GPC3: variants seen among roughly 807,000 people sequenced by gnomAD.
The protein encoded by GPC3 is glypican-3.
Under a neutral mutation model 34.4 loss-of-function variants are expected in GPC3, and 3 were observed. The observed-to-expected ratio is 0.09, with a 90% CI of 0.04 to 0.23. The LOEUF is 0.23. Among genes scored for constraint, GPC3 ranks in the 10% least tolerant of loss-of-function variants. The probability of loss-of-function intolerance (pLI) is 1.00; values close to 1 mark genes in which losing one functional copy is unlikely to be tolerated. For missense variants in GPC3, 351 were observed against 445.6 expected (o/e 0.79, Z 1.91); for synonymous variants, 177 against 174.0 (o/e 1.02, Z -0.13).
intron 6 of GPC3, among the ~76,000 whole-genome samples, chrX:133,656,542 A>G (rs1225819242): frequency 8.9e-6 from 1 of 112,245 alleles, no homozygotes; most frequent in Non-Finnish European, 1.9e-5. Flanking sequence ...TCTAATGGAT[A>G]GGAAAGAGCT....
intron 1 of GPC3, among the ~76,000 whole-genome samples, chrX:133,959,781 C>A (rs949904395): frequency 1.8e-5 from 2 of 111,943 alleles, no homozygotes; most frequent in Non-Finnish European, 3.8e-5. Flanking sequence ...GACTTTCACA[C>A]AAAATAATAG....
chrX:133,833,950 T>A (rs999877457), intron 2 of GPC3, among the ~76,000 whole-genome samples: 1 of 111,403 alleles, frequency 9.0e-6, no homozygotes, highest in Non-Finnish European at 1.9e-5. Context: ...TCTCAATAAA[T>A]GATAGGTGGA....
chrX:133,625,647 C>G (rs897907664), intron 6 of GPC3, among the ~76,000 whole-genome samples: 1 of 111,757 alleles, frequency 8.9e-6, no homozygotes, highest in Non-Finnish European at 1.9e-5. Context: ...CTACAAATCA[C>G]TGCTCAATGA....
chrX:133,688,523 G>A (rs926612930), intron 5 of GPC3, among the ~76,000 whole-genome samples: 6 of 111,770 alleles, frequency 5.4e-5, no homozygotes, highest in African/African-American at 1.6e-4. Flanking sequence ...TTGAGTGATC[G>A]ATACATCCAT....
At chrX:133,581,428 T>A (rs1230686235) in intron 7 of GPC3, among the ~76,000 whole-genome samples, 1 of 111,754 alleles carries the variant, frequency 8.9e-6, no homozygotes, top group Non-Finnish European at 1.9e-5. Flanking sequence ...GGAAAATAAA[T>A]CCTCTAAATA....
intron 2 of GPC3, among the ~76,000 whole-genome samples, chrX:133,861,159 G>GTATAAAAC (rs2075934705): frequency 9.0e-6 from 1 of 111,393 alleles, no homozygotes; most frequent in East Asian, 2.8e-4. Flanking sequence ...ATCAGCATAC[G>GTATAAAAC]TATAAAACTG....
chrX:133,798,317 G>A (rs1603249711), intron 2 of GPC3, among the ~76,000 whole-genome samples: 1 of 110,851 alleles, frequency 9.0e-6, no homozygotes, highest in South Asian at 3.9e-4. Context: ...ATGATGAATG[G>A]GACCCCTCAG....
intron 6 of GPC3, among the ~76,000 whole-genome samples, chrX:133,610,552 T>A (rs940720633): frequency 4.6e-5 from 5 of 108,616 alleles, no homozygotes; most frequent in Admixed American, 1.0e-4. Flanking sequence ...GCTGTTACCC[T>A]CCCCCATAAC....
chrX:133,958,717 A>C (rs747026735), intron 1 of GPC3, among the ~76,000 whole-genome samples: 6 of 105,774 alleles, frequency 5.7e-5, no homozygotes, highest in South Asian at 4.2e-4. Context: ...CTGAAAAAAA[A>C]AAAAAACAAA....
intron 7 of GPC3, among the ~76,000 whole-genome samples, chrX:133,589,678 G>A (rs1386601115): frequency 1.8e-5 from 2 of 111,546 alleles, no homozygotes; most frequent in African/African-American, 3.3e-5. Context: ...CTTCTGCCAT[G>A]GTTGTGAGTC....
intron 7 of GPC3, among the ~76,000 whole-genome samples, chrX:133,573,417 G>A (rs1452488377): frequency 9.0e-6 from 1 of 111,513 alleles, no homozygotes; most frequent in East Asian, 2.8e-4. Context: ...AGTGTAAGCA[G>A]GCCAGCAAAA....
intron 2 of GPC3, among the ~76,000 whole-genome samples, chrX:133,798,513 G>A (rs1051431153): frequency 8.9e-6 from 1 of 111,837 alleles, no homozygotes; most frequent in Non-Finnish European, 1.9e-5. Context: ...GTTTTAGGGA[G>A]GTTACCCCAT....
chrX:133,786,287 C>A (rs1462277508), intron 2 of GPC3, among the ~76,000 whole-genome samples: 1 of 111,338 alleles, frequency 9.0e-6, no homozygotes, highest in Non-Finnish European at 1.9e-5. Context: ...CCCAGCTACT[C>A]GGGAGGCCGA....
At chrX:133,679,370 A>G (rs1483028562) in intron 5 of GPC3, among the ~76,000 whole-genome samples, 1 of 111,621 alleles carries the variant, frequency 9.0e-6, no homozygotes, top group Admixed American at 9.6e-5. Context: ...AACATCTCAT[A>G]TGCGTTTTCT....
At chrX:133,750,828 C>G (rs1306164444) in intron 3 of GPC3, among the ~76,000 whole-genome samples, 1 of 110,476 alleles carries the variant, frequency 9.1e-6, no homozygotes, top group Non-Finnish European at 1.9e-5. Context: ...AGTCTCAGCA[C>G]TTTGGGCGGC....
intron 2 of GPC3, among the ~76,000 whole-genome samples, chrX:133,867,893 T>C (rs987977298): frequency 9.3e-6 from 1 of 107,834 alleles, no homozygotes; most frequent in African/African-American, 3.4e-5. Flanking sequence ...CTAGGGGCAG[T>C]GGGAGGGTAG....
rs147912480 is a variant in GPC3, at chrX:133,821,121, C to A, written c.338-66945G>T. Among the ~76,000 whole-genome samples, 744 of 111,950 alleles carry A rather than the reference C, an allele frequency of 6.6e-3. 8 individuals are homozygous for A. The highest frequency in any genetic ancestry group is 0.023 in the African/African-American group (721 of 30,850). The stretch of plus-strand genomic sequence containing the variant: ...TGTATAGCAACATTTTCAACAGAAT[C>A]ATTTTTTTCAACACCTGGTGAATGA... On this transcript the variant is annotated intron_variant, in intron 2 of 7. Coordinates refer to ENST00000370818, the MANE Select transcript of GPC3 (RefSeq NM_004484.4).
intron 3 of GPC3, among the ~76,000 whole-genome samples, chrX:133,730,331 C>T (rs2071450425): frequency 8.9e-6 from 1 of 111,762 alleles, no homozygotes; most frequent in African/African-American, 3.2e-5. Flanking sequence ...ATATGTTGAC[C>T]TTTAATTGGC....
intron 1 of GPC3, among the ~76,000 whole-genome samples, chrX:133,962,861 T>C (rs1243344980): frequency 8.9e-6 from 1 of 111,929 alleles, no homozygotes; most frequent in Non-Finnish European, 1.9e-5. Flanking sequence ...TGAAATCACA[T>C]CAGAGGGAAA....
Sources: allele counts gnomAD v4.1 joint callset (sites outside exome capture counted in the v4.1 genomes callset), GRCh38; gene constraint gnomAD v4.1.1; transcripts MANE v1.5; gene names NCBI Gene and HGNC (gene_info 2026-07-23, HGNC 2026-07-21).